Variants in SIGLEC10 observed in about 807,000 individuals in gnomAD.
The protein encoded by SIGLEC10 is sialic acid binding Ig like lectin 10, also known as sialic acid-binding Ig-like lectin 10.
In SIGLEC10, 45 loss-of-function variants were observed where a neutral mutation model predicts 68.3. That is an observed-to-expected ratio of 0.66 (90% CI 0.52 to 0.84). The LOEUF (loss-of-function observed/expected upper bound fraction) is 0.84. SIGLEC10 is among the 40% of genes least tolerant of loss of function. The pLI, the probability that SIGLEC10 is intolerant of heterozygous loss-of-function variation, is 0.00. For missense variants in SIGLEC10, 789 were observed against 883.1 expected (o/e 0.89, Z 1.35); for synonymous variants, 379 against 370.8 (o/e 1.02, Z -0.26).
At position 51,417,121 on chromosome 19, in the gene SIGLEC10, A is replaced by G; in HGVS notation, c.382T>C (p.Tyr128His). The G allele has an allele frequency of 6.2e-7, 1 of 1,614,128 alleles. No homozygotes were observed. Among genetic ancestry groups the G allele is most frequent in the Non-Finnish European group, 8.5e-7 (1 of 1,180,002 alleles). Residue 128 changes from tyrosine to histidine, a missense_variant, in exon 2 of 11, where the codon TAT becomes CAT. Tyr to His is a moderately conservative substitution (Grantham distance 83). Transcript: ENST00000339313. The part of the protein sequence containing the change: ...FRVERGSYVR[Y>H]NFMNDGFFLK... ...AAGAACCCATCGTTCATGAAATTAT[A>G]TCTCACATAGCTTCCTCTCTCCACC...
chr19:51,415,452 A>T lies in SIGLEC10; in HGVS notation c.1073-14T>A. The T allele has an allele frequency of 6.2e-7, 1 of 1,608,480 alleles. No individual in the cohort carries two copies. Among genetic ancestry groups the T allele is most frequent in the African/African-American group, 1.3e-5 (1 of 74,806 alleles). ...GGTTTTCCAGGACTAGGGAAGGAAG[A>T]GGCAGAATCGATGAGCAGCTCAGGG... On this transcript the variant is annotated splice_polypyrimidine_tract_variant and intron_variant, in intron 6 of 10. Transcript: ENST00000339313.
In SIGLEC10 at chr19:51,414,766, C is replaced by T. The variant is rs1352787032; in HGVS notation, c.1615+58G>A. The T allele has an allele frequency of 1.8e-5, 29 of 1,605,874 alleles. No individual in the cohort carries two copies. The African/African-American group carries it at 2.2e-4, about 12-fold the overall frequency. The stretch of plus-strand genomic sequence containing the variant: ...CTCCTGCTCCAACCACAGGACCCTA[C>T]TCTTTGCCCCAGTCAGCTTCTCCTC... On this transcript the variant is annotated intron_variant, in intron 8 of 10. Coordinates refer to ENST00000339313, the MANE Select transcript of SIGLEC10 (RefSeq NM_033130.5). The surrounding 1 kb of genome is among the most constrained non-coding windows in gnomAD (Gnocchi z 4.1).
At chr19:51,411,870 C>T (rs900969142) in intron 10 of SIGLEC10, among the ~76,000 whole-genome samples, 4 of 150,706 alleles carry the variant, frequency 2.7e-5, no homozygotes, top group Non-Finnish European at 5.9e-5. Context: ...TAGCCGGGTA[C>T]GGTGGTTCAC....
In SIGLEC10 at chr19:51,414,318, A is replaced by G; in HGVS notation, c.1709+104T>C. ...TTTGCTGTTTACTCATGTAACCTCC[A>G]GAGGTATACTGCGTTGATCACGACC... On this transcript the variant is annotated intron_variant, in intron 9 of 10. Transcript: ENST00000339313. This position sits in a 1 kb window ranked among gnomAD's most constrained non-coding sequence, Gnocchi z 4.1. The G allele has an allele frequency of 1.1e-6, 1 of 900,004 alleles. No individual in the cohort carries two copies. Among genetic ancestry groups the G allele is most frequent in the Non-Finnish European group, 1.8e-6 (1 of 563,896 alleles). 55.8% of individuals were successfully genotyped at this position (900,004 alleles called of 1,614,324 possible). A position where few individuals can be genotyped will look rare whatever the true frequency, so the allele number is the denominator to read the frequency against.
At chr19:51,413,995 A>C (rs1988263723) in intron 9 of SIGLEC10, among the ~76,000 whole-genome samples, 172 bp from the exon 10 acceptor site, 1 of 152,166 alleles carries the variant, frequency 6.6e-6, no homozygotes, top group Non-Finnish European at 1.5e-5. Flanking sequence ...AAGACAAAAG[A>C]AATTATTTTA....
At chr19:51,415,494 C>A (rs142474485) in intron 6 of SIGLEC10, 56 bp from the exon 7 acceptor site, 1 of 1,613,792 alleles carries the variant, frequency 6.2e-7, no homozygotes, top group East Asian at 2.2e-5. Context: ...GACCCTCCTG[C>A]GTGGGGACCC....
Position 51,414,848 on chromosome 19 carries a change from T to G in SIGLEC10, c.1591A>C (p.Ser531Arg). ...CEAWNVHGAQ[S>R]GSILQLPDKK... ...CCTGGCAGCTGCAGGATGGATCCAC[T>G]CTGGGCCCCATGGACGTTCCAGGCC... Residue 531 changes from serine (S) to arginine (R), a missense_variant, in exon 8 of 11, where the codon AGT becomes CGT. Ser to Arg is a moderately radical substitution (Grantham distance 110). Transcript: ENST00000339313. This position sits in a 1 kb window ranked among gnomAD's most constrained non-coding sequence, Gnocchi z 4.1. 6.2e-7 allele frequency: 1 copy of G among 1,614,032 alleles called. No individual in the cohort carries two copies. Among genetic ancestry groups the G allele is most frequent in the East Asian group, 2.2e-5 (1 of 44,870 alleles).
chr19:51,416,450 C>A, intron 3 of SIGLEC10, 93 bp from the exon 4 acceptor site: 1 of 1,611,110 alleles, frequency 6.2e-7, no homozygotes, highest in Non-Finnish European at 8.5e-7. Flanking sequence ...TGGGACTATC[C>A]CGGGAAGACA....
intron 10 of SIGLEC10, 105 bp from the exon 11 acceptor site, chr19:51,411,476 C>T: frequency 2.1e-6 from 3 of 1,423,242 alleles, no homozygotes; most frequent in South Asian, 1.4e-5. Flanking sequence ...TAAGTCCCTG[C>T]CCTTGCCTTG....
chr19:51,415,447 G>A lies in SIGLEC10; in HGVS notation c.1073-9C>T. 1 of 1,607,524 alleles carries A rather than the reference G, an allele frequency of 6.2e-7. No homozygotes were observed. The highest frequency in any genetic ancestry group is 8.5e-7 in the Non-Finnish European group (1 of 1,175,766). On this transcript the variant is annotated splice_polypyrimidine_tract_variant and intron_variant, in intron 6 of 10. Coordinates refer to ENST00000339313, the MANE Select transcript of SIGLEC10 (RefSeq NM_033130.5). The stretch of plus-strand genomic sequence containing the variant: ...CCCAAGGTTTTCCAGGACTAGGGAA[G>A]GAAGAGGCAGAATCGATGAGCAGCT...
rs1271438626 is a variant in SIGLEC10, at chr19:51,416,115, G to C, written c.807C>G (p.Gly269=). 6.2e-7 allele frequency: 1 copy of C among 1,608,186 alleles called. No individual in the cohort carries two copies. Among genetic ancestry groups the C allele is most frequent in the African/African-American group, 1.3e-5 (1 of 74,658 alleles). ...CAGCACAGAGGAGCCGCAGGAACTGGCCTTTTTGGGCTTCCAGGTATGGGA... is the reference window on the plus strand; with the variant it reads ...CAGCACAGAGGAGCCGCAGGAACTGCCCTTTTTGGGCTTCCAGGTATGGGA... ...GNVPYLEAQK[G]QFLRLLCAAD... is the part of the protein sequence containing the mutation. The change falls in exon 5 of 11, where the codon GGC becomes GGG. Residue 269 remains glycine (G), a synonymous_variant. Transcript: ENST00000339313.
At position 51,410,024 on chromosome 19, in the gene SIGLEC10, G is replaced by A. The variant is rs939192769; in HGVS notation, c.*1075C>T. On this transcript the variant is annotated 3_prime_UTR_variant, in exon 11 of 11. Coordinates refer to ENST00000339313, the MANE Select transcript of SIGLEC10 (RefSeq NM_033130.5). ...GAAATAATTCAAGACGAGGCGGTAA[G>A]GTGAAAGCAAGTTTATTAAGAAAGT... 6.6e-6 allele frequency: 1 copy of A among 152,204 alleles called. No individual in the cohort carries two copies. Among genetic ancestry groups the A allele is most frequent in the African/African-American group, 2.4e-5 (1 of 41,426 alleles). The allele number at this position is 152,204 out of a possible 1,614,324, so 9.4% of individuals were successfully genotyped here. A position where few individuals can be genotyped will look rare whatever the true frequency, so the allele number is the denominator to read the frequency against.
In SIGLEC10 at chr19:51,411,320, G is replaced by A. The variant is rs1205086303; in HGVS notation, c.1873C>T (p.Pro625Ser). The A allele has an allele frequency of 2.5e-6, 4 of 1,614,212 alleles. No individual in the cohort carries two copies. The highest frequency in any genetic ancestry group is 3.4e-6 in the Non-Finnish European group (4 of 1,180,032). The stretch of plus-strand genomic sequence containing the variant: ...GATTCTGGGGAGGGAGCACCTGGTG[G>A]AAGAGGGGTCCGAGGACTGTTTGGT... ...ATPNSPRTPL[P>S]PGAPSPESKK... The change falls in exon 11 of 11, where the codon CCA (proline) becomes TCA (serine). Residue 625 changes from proline to serine, a missense_variant. By Grantham distance (74) the Pro-to-Ser change is moderately conservative. Transcript: ENST00000339313.
rs780347603 is a variant in SIGLEC10, at chr19:51,413,764, C to T, written c.1769G>A (p.Arg590Gln). 14 of 1,613,964 alleles carry T rather than the reference C, an allele frequency of 8.7e-6. No homozygotes were observed. The African/African-American group carries it at 1.1e-4, about 12-fold the overall frequency. ...GATGTAATCCAGGATCGTGCTGTGCCGGGAGAACCTGGGCCTCGGGGTTTC... is the reference window on the plus strand; with the variant it reads ...GATGTAATCCAGGATCGTGCTGTGCTGGGAGAACCTGGGCCTCGGGGTTTC... ...QTETPRPRFS[R>Q]HSTILDYINV... The change falls in exon 10 of 11, where the codon CGG becomes CAG. Residue 590 changes from arginine to glutamine, a missense_variant. Coordinates refer to ENST00000339313, the MANE Select transcript of SIGLEC10 (RefSeq NM_033130.5).
chr19:51,416,340 C>T lies in SIGLEC10; in HGVS notation c.724G>A (p.Val242Ile), dbSNP rs142493888. ...GTGTTGTCACGTGAAATGCTGATAA[C>T]AAGGTCTCTGGGGGCATCTGCAACA... is the stretch of plus-strand genomic sequence containing the variant. The part of the protein sequence containing the change: ...LRVAYAPRDL[V>I]ISISRDNTPA... The change falls in exon 4 of 11, where the codon GTT (valine) becomes ATT (isoleucine). Residue 242 changes from valine (V) to isoleucine (I), a missense_variant. Val to Ile is a conservative substitution (Grantham distance 29). Coordinates refer to ENST00000339313, the MANE Select transcript of SIGLEC10 (RefSeq NM_033130.5). 1,279 of 1,614,000 alleles carry T rather than the reference C, an allele frequency of 7.9e-4. 5 individuals carry two copies. Among genetic ancestry groups the T allele is most frequent in the East Asian group, 3.1e-3 (141 of 44,880 alleles).
rs765826865 is a variant in SIGLEC10 at position 51,416,662 on chromosome 19, T to C, written c.706+4A>G. 1.2e-6 allele frequency: 2 copies of C among 1,612,872 alleles called. No individual in the cohort carries two copies. Among genetic ancestry groups the C allele is most frequent in the Non-Finnish European group, 1.7e-6 (2 of 1,179,864 alleles). Reference sequence around the variant, plus strand: ...CACACCCCACCCTCCCAGGCCACACTCACAGGCCACACGGAGTCGGACGGT... The same window carrying C: ...CACACCCCACCCTCCCAGGCCACACCCACAGGCCACACGGAGTCGGACGGT... On this transcript the variant is annotated splice_donor_region_variant and intron_variant, in intron 3 of 10. Coordinates refer to ENST00000339313, the MANE Select transcript of SIGLEC10 (RefSeq NM_033130.5).
chr19:51,413,770 A>G lies in SIGLEC10; in HGVS notation c.1763T>C (p.Phe588Ser), dbSNP rs1361309941. 6.8e-6 allele frequency: 11 copies of G among 1,613,950 alleles called. No homozygotes were observed. Among genetic ancestry groups the G allele is most frequent in the Non-Finnish European group, 9.3e-6 (11 of 1,180,034 alleles). The change falls in exon 10 of 11, where the codon TTC becomes TCC. Residue 588 changes from phenylalanine to serine, a missense_variant. By Grantham distance (155) the Phe-to-Ser change is radical. Transcript: ENST00000339313. ...RTQTETPRPRFSRHSTILDYI... is the reference protein window; with the variant it reads ...RTQTETPRPRSSRHSTILDYI... ...ATCCAGGATCGTGCTGTGCCGGGAG[A>G]ACCTGGGCCTCGGGGTTTCTGTCTG...
rs745980134 is a variant in SIGLEC10, at chr19:51,415,161, G to T, written c.1330+20C>A. On this transcript the variant is annotated intron_variant, in intron 7 of 10. Transcript: ENST00000339313. ...AGGGTCCCCTTCCTGGGACCCAGGT[G>T]TCCCCTTTCCCCCACTCACAGTGCA... is the stretch of plus-strand genomic sequence containing the variant. 3.2e-6 allele frequency: 5 copies of T among 1,586,870 alleles called. No individual in the cohort carries two copies. Among genetic ancestry groups the T allele is most frequent in the Non-Finnish European group, 4.3e-6 (5 of 1,166,534 alleles).
In SIGLEC10 at chr19:51,414,131, G is replaced by C. The variant is rs546344085; in HGVS notation, c.1709+291C>G. 6.6e-6 allele frequency among the ~76,000 whole-genome samples: 1 copy of C among 152,290 alleles called. No homozygotes were observed. The highest frequency in any genetic ancestry group is 1.9e-4 in the East Asian group (1 of 5,190). On this transcript the variant is annotated intron_variant, in intron 9 of 10. Transcript: ENST00000339313. The surrounding 1 kb of genome is among the most constrained non-coding windows in gnomAD (Gnocchi z 4.1). ...AGCAGAGAGCAGGAGGTAACAATTG[G>C]TCAGCTGTTTAATTGATCACAGGTT...
Sources: gnomAD v4.1 joint callset for allele counts (sites outside exome capture counted in the v4.1 genomes callset) on GRCh38, gnomAD v4.1.1 for gene constraint, Gnocchi (gnomAD v3.1) non-coding constraint, MANE v1.5 for transcripts, NCBI Gene and HGNC (gene_info 2026-07-23, HGNC 2026-07-21) for gene names.